VPS41: variants seen among roughly 807,000 people sequenced by gnomAD.
The protein encoded by VPS41 is VPS41 subunit of HOPS complex.
VPS41 carries 85 observed loss-of-function variants against 130.9 expected under a neutral mutation model. That is an observed-to-expected ratio of 0.65 (90% CI 0.55 to 0.78). The LOEUF is 0.78. Ranked by LOEUF, VPS41 falls within the 30% of genes least tolerant of loss-of-function variation. VPS41 has a pLI of 0.00. For synonymous variants in VPS41, 335 were observed against 332.9 expected, an observed-to-expected ratio of 1.01 and a Z score of -0.07; for missense variants, 874 against 1,018.7, an observed-to-expected ratio of 0.86 and a Z score of 1.93.
intron 2 of VPS41, among the ~76,000 whole-genome samples, chr7:38,882,039 TA>T (rs1324149632): frequency 1.3e-5 from 2 of 152,158 alleles, no homozygotes; most frequent in Non-Finnish European, 2.9e-5. Flanking sequence ...CACCATTTTG[TA>T]ATACACAGTA....
chr7:38,783,794 T>C (rs375948647), intron 10 of VPS41, among the ~76,000 whole-genome samples: 2 of 151,958 alleles, frequency 1.3e-5, no homozygotes, highest in African/African-American at 4.8e-5. Flanking sequence ...AGGATAAAAA[T>C]CAAAATTTGT....
intron 2 of VPS41, among the ~76,000 whole-genome samples, chr7:38,890,020 T>C (rs1345870810): frequency 6.6e-6 from 1 of 152,164 alleles, no homozygotes; most frequent in East Asian, 1.9e-4. Context: ...GTTATGTATA[T>C]ATATTTCAAT....
At position 38,773,996 on chromosome 7, in the gene VPS41, C is replaced by T. The variant is rs533065884; in HGVS notation, c.1012+119G>A. On this transcript the variant is annotated intron_variant, in intron 12 of 28. Coordinates refer to ENST00000310301, the MANE Select transcript of VPS41 (RefSeq NM_014396.4). ...CCTTGTTTTCAGCACACACAGTCTA[C>T]GCAGGTATTCTCTTAAGATTCTTTC... 15 of 1,000,644 alleles carry T rather than the reference C, an allele frequency of 1.5e-5. No homozygotes were observed. In the East Asian group the frequency reaches 3.6e-4, roughly 24 times the overall value. The allele number at this position is 1,000,644 out of a possible 1,614,324, so 62.0% of individuals were successfully genotyped here. A position where few individuals can be genotyped will look rare whatever the true frequency, so the allele number is the denominator to read the frequency against.
rs187212654 is a variant in VPS41 at position 38,732,054 on chromosome 7, A to T, written c.2260-3263T>A. ...AGATAAACATCAAGCCTGGGAAAGCAGCCCTTTCAAATCAAAAAGCAAAGC... is the reference window on the plus strand; with the variant it reads ...AGATAAACATCAAGCCTGGGAAAGCTGCCCTTTCAAATCAAAAAGCAAAGC... On this transcript the variant is annotated intron_variant, in intron 25 of 28. Coordinates refer to ENST00000310301, the MANE Select transcript of VPS41 (RefSeq NM_014396.4). Among the ~76,000 whole-genome samples, 672 of 152,310 alleles carry T rather than the reference A, an allele frequency of 4.4e-3. 4 individuals carry two copies. Among genetic ancestry groups the T allele is most frequent in the African/African-American group, 0.016 (647 of 41,574 alleles).
intron 7 of VPS41, among the ~76,000 whole-genome samples, chr7:38,797,337 T>C (rs1202120368): frequency 1.3e-5 from 2 of 152,156 alleles, no homozygotes; most frequent in Non-Finnish European, 2.9e-5. Context: ...ACAATGACTT[T>C]TGAACAGTAA....
At chr7:38,904,090 A>G (rs6976580) in intron 1 of VPS41, among the ~76,000 whole-genome samples, 141,769 of 152,118 alleles carry the variant, frequency 0.93, 66,211 homozygotes, top group East Asian at 1. Context: ...ATCACAAGCC[A>G]TTTTTAACAA....
rs1412459933 is a variant in VPS41 at position 38,743,282 on chromosome 7, T to C, written c.2122+120A>G. On this transcript the variant is annotated intron_variant, in intron 24 of 28. Transcript: ENST00000310301. ...CATTACAACACACCTGGCCTATTTTTATTGTAGGTACGCTACCATTTTCTT... is the reference window on the plus strand; with the variant it reads ...CATTACAACACACCTGGCCTATTTTCATTGTAGGTACGCTACCATTTTCTT... 9 of 1,115,788 alleles carry C rather than the reference T, an allele frequency of 8.1e-6. No homozygotes were observed. In the East Asian group the frequency reaches 2.0e-4, roughly 25 times the overall value. The allele number at this position is 1,115,788 out of a possible 1,614,324, so 69.1% of individuals were successfully genotyped here.
intron 5 of VPS41, 107 bp from the exon 6 acceptor site, chr7:38,821,372 T>G (rs2116121965): frequency 1.3e-6 from 1 of 792,864 alleles, no homozygotes; most frequent in East Asian, 2.5e-5. Context: ...ATTTAATAAT[T>G]TTAAGGCCCC....
chr7:38,904,515 G>A (rs769302873), intron 1 of VPS41, among the ~76,000 whole-genome samples: 3 of 152,084 alleles, frequency 2.0e-5, no homozygotes, highest in Non-Finnish European at 4.4e-5. Flanking sequence ...TGTAAGAAAA[G>A]AGAATTGTGC....
chr7:38,784,644 G>C (rs922009569), intron 10 of VPS41, among the ~76,000 whole-genome samples: 3 of 142,628 alleles, frequency 2.1e-5, no homozygotes, highest in Non-Finnish European at 4.6e-5. Context: ...GAAAGAAGGA[G>C]GGGGGGAGTT....
At chr7:38,810,999 C>T (rs1784932857) in intron 7 of VPS41, among the ~76,000 whole-genome samples, 1 of 152,048 alleles carries the variant, frequency 6.6e-6, no homozygotes, top group African/African-American at 2.4e-5. Context: ...AAGATATAAA[C>T]CTCTATAACT....
chr7:38,857,978 TATCAGCAGAAAGA>T lies in VPS41; in HGVS notation c.246+4554_246+4566del, dbSNP rs1359175316. ...TGGCAACTGGTTGAAAGAGTTAAGT[TATCAGCAGAAAGA>T]ATCAGCAGAAAGGAGTACCTGGGTT... On this transcript the variant is annotated intron_variant, in intron 4 of 28. Transcript: ENST00000310301. Among the ~76,000 whole-genome samples, 3 of 152,158 alleles carry T rather than the reference TATCAGCAGAAAGA, an allele frequency of 2.0e-5. No individual in the cohort carries two copies. The East Asian group carries it at 5.8e-4, about 29-fold the overall frequency.
chr7:38,827,804 C>T (rs867008841), intron 5 of VPS41, among the ~76,000 whole-genome samples: 2 of 152,078 alleles, frequency 1.3e-5, no homozygotes. Flanking sequence ...AAATTATAAC[C>T]GAACTAAACT....
intron 4 of VPS41, among the ~76,000 whole-genome samples, chr7:38,845,982 A>G (rs989256926): frequency 6.6e-6 from 1 of 152,256 alleles, no homozygotes; most frequent in South Asian, 2.1e-4. Context: ...TTGCTTATAC[A>G]TATATCCAAC....
chr7:38,818,171 G>C (rs1785097097), intron 6 of VPS41, among the ~76,000 whole-genome samples: 1 of 151,948 alleles, frequency 6.6e-6, no homozygotes, highest in African/African-American at 2.4e-5. Flanking sequence ...GAGGCAGCAA[G>C]GGAGGTCAAG....
intron 2 of VPS41, among the ~76,000 whole-genome samples, chr7:38,889,111 A>G (rs2116407865): frequency 6.6e-6 from 1 of 152,240 alleles, no homozygotes; most frequent in South Asian, 2.1e-4. Flanking sequence ...ATAATTTAAA[A>G]AAAAAAAAAT....
chr7:38,733,119 T>A (rs1045287331), intron 25 of VPS41, among the ~76,000 whole-genome samples: 1 of 152,206 alleles, frequency 6.6e-6, no homozygotes, highest in East Asian at 1.9e-4. Flanking sequence ...TGAACCACCG[T>A]ATCCAGCCAG....
intron 7 of VPS41, among the ~76,000 whole-genome samples, chr7:38,812,490 A>T (rs774138407): frequency 4.6e-5 from 7 of 152,164 alleles, no homozygotes; most frequent in Non-Finnish European, 1.0e-4. Flanking sequence ...ACAGGCAGTG[A>T]TCTCTTAGAT....
chr7:38,804,955 T>C (rs944701732), intron 7 of VPS41, among the ~76,000 whole-genome samples: 1 of 152,232 alleles, frequency 6.6e-6, no homozygotes, highest in Admixed American at 6.5e-5. Flanking sequence ...TTTGCAGCTA[T>C]CTGAGGATAC....
Sources: allele counts gnomAD v4.1 joint callset (sites outside exome capture counted in the v4.1 genomes callset), GRCh38; gene constraint gnomAD v4.1.1; transcripts MANE v1.5; gene names NCBI Gene and HGNC (gene_info 2026-07-23, HGNC 2026-07-21).